GATAD2B: variants seen among roughly 807,000 people sequenced by gnomAD.
GATAD2B encodes the protein GATA zinc finger domain containing 2B.
In GATAD2B, 8 loss-of-function variants were observed where a neutral mutation model predicts 64.3. The observed-to-expected ratio is 0.12, with a 90% CI of 0.07 to 0.22. The LOEUF (loss-of-function observed/expected upper bound fraction) is 0.22. Ranked by LOEUF, GATAD2B falls within the 10% of genes least tolerant of loss-of-function variation. The pLI, the probability that GATAD2B is intolerant of heterozygous loss-of-function variation, is 1.00. For synonymous variants in GATAD2B, 281 were observed against 271.3 expected, an observed-to-expected ratio of 1.04 and a Z score of -0.35; for missense variants, 453 against 752.0, an observed-to-expected ratio of 0.60 and a Z score of 4.65.
chr1:153,851,730 C>A (rs1199448469), intron 1 of GATAD2B, among the ~76,000 whole-genome samples: 1 of 152,064 alleles, frequency 6.6e-6, no homozygotes, highest in Non-Finnish European at 1.5e-5. Context: ...AGTAAAGAGG[C>A]CTGCTCAGAT....
At chr1:153,919,938 G>T (rs1223923792) in intron 1 of GATAD2B, among the ~76,000 whole-genome samples, 1 of 152,194 alleles carries the variant, frequency 6.6e-6, no homozygotes, top group Non-Finnish European at 1.5e-5. Flanking sequence ...CAAATCTTAC[G>T]ATTTCTCTAG....
At chr1:153,819,822 G>T in intron 2 of GATAD2B, 87 bp from the exon 3 acceptor site, 2 of 1,207,692 alleles carry the variant, frequency 1.7e-6, no homozygotes, top group Non-Finnish European at 1.2e-6. Flanking sequence ...AGGGGGGCCG[G>T]GTGCGGTGGC....
chr1:153,921,414 C>T (rs754540099), intron 1 of GATAD2B, among the ~76,000 whole-genome samples: 5 of 152,200 alleles, frequency 3.3e-5, no homozygotes, highest in Non-Finnish European at 7.3e-5. Flanking sequence ...ACTACAAAAG[C>T]ATCAGCTCTT....
intron 1 of GATAD2B, among the ~76,000 whole-genome samples, chr1:153,909,352 T>G (rs1016592921): frequency 2.6e-5 from 4 of 151,964 alleles, no homozygotes; most frequent in African/African-American, 9.7e-5. Flanking sequence ...TAGCTGGGAC[T>G]ACAGGCGCCC....
At chr1:153,880,180 C>T (rs1481158926) in intron 1 of GATAD2B, among the ~76,000 whole-genome samples, 1 of 150,496 alleles carries the variant, frequency 6.6e-6, no homozygotes, top group African/African-American at 2.4e-5. Context: ...TAGAAACAGT[C>T]GGCCAAGCGC....
chr1:153,858,599 T>C (rs1323078564), intron 1 of GATAD2B, among the ~76,000 whole-genome samples: 3 of 152,042 alleles, frequency 2.0e-5, no homozygotes, highest in East Asian at 1.9e-4. Context: ...AGCGAGACCA[T>C]GTCTCATAAA....
intron 7 of GATAD2B, among the ~76,000 whole-genome samples, chr1:153,815,280 C>CAAAACAAA (rs1674428829): frequency 1.2e-3 from 81 of 66,564 alleles, no homozygotes; most frequent in Non-Finnish European, 1.6e-3. Context: ...CTCAAAAAAA[C>CAAAACAAA]AAAAAAAAAA....
chr1:153,853,047 G>A, intron 1 of GATAD2B: 1 of 1,492,772 alleles, frequency 6.7e-7, no homozygotes, highest in Non-Finnish European at 9.3e-7. Flanking sequence ...CCCAGTCACA[G>A]TAGTCGTCAC....
chr1:153,875,182 T>C lies in GATAD2B; in HGVS notation c.-1-46834A>G, dbSNP rs548001896. ...TGTAAGCCACCACGCCCAGCCAAATTTAGTCTCATTATTTCTCTTCTGATT... is the reference window on the plus strand; with the variant it reads ...TGTAAGCCACCACGCCCAGCCAAATCTAGTCTCATTATTTCTCTTCTGATT... On this transcript the variant is annotated intron_variant, in intron 1 of 10. Coordinates refer to ENST00000368655, the MANE Select transcript of GATAD2B (RefSeq NM_020699.4). Among the ~76,000 whole-genome samples, 10 of 152,198 alleles carry C rather than the reference T, an allele frequency of 6.6e-5. No homozygotes were observed. In the South Asian group the frequency reaches 2.1e-3, roughly 32 times the overall value.
chr1:153,812,436 C>A (rs1391518146), intron 8 of GATAD2B, among the ~76,000 whole-genome samples: 1 of 152,058 alleles, frequency 6.6e-6, no homozygotes, highest in Non-Finnish European at 1.5e-5. Context: ...GGGTGGTACA[C>A]TGAGATTTCT....
chr1:153,908,169 T>C (rs890598265), intron 1 of GATAD2B, among the ~76,000 whole-genome samples: 5 of 152,136 alleles, frequency 3.3e-5, no homozygotes, highest in Non-Finnish European at 7.3e-5. Flanking sequence ...CACACATCTA[T>C]GTGCCAGGTT....
At chr1:153,860,878 C>G (rs1676256957) in intron 1 of GATAD2B, among the ~76,000 whole-genome samples, 1 of 152,162 alleles carries the variant, frequency 6.6e-6, no homozygotes, top group African/African-American at 2.4e-5. Flanking sequence ...TCTTGAACTC[C>G]TGACCTTAAG....
At chr1:153,815,288 A>C (rs866459375) in intron 7 of GATAD2B, among the ~76,000 whole-genome samples, 2 of 146,364 alleles carry the variant, frequency 1.4e-5, no homozygotes, top group South Asian at 2.2e-4. Flanking sequence ...AACAAAAAAA[A>C]AAAACAAAAA....
intron 1 of GATAD2B, among the ~76,000 whole-genome samples, chr1:153,911,514 C>G (rs529870668): frequency 1.3e-5 from 2 of 152,128 alleles, no homozygotes; most frequent in East Asian, 3.8e-4. Flanking sequence ...GCGGGTGGAT[C>G]GCCTGAGGTC....
At chr1:153,882,899 G>T (rs1295377949) in intron 1 of GATAD2B, among the ~76,000 whole-genome samples, 2 of 152,162 alleles carry the variant, frequency 1.3e-5, no homozygotes, top group Non-Finnish European at 2.9e-5. Flanking sequence ...AGAAAATAGT[G>T]GGGAAGAAAT....
At chr1:153,850,985 T>C (rs1409528445) in intron 1 of GATAD2B, among the ~76,000 whole-genome samples, 1 of 152,098 alleles carries the variant, frequency 6.6e-6, no homozygotes, top group African/African-American at 2.4e-5. Flanking sequence ...TCTACCCTCT[T>C]AACAAATTTT....
chr1:153,854,436 C>G (rs1305460114), intron 1 of GATAD2B, among the ~76,000 whole-genome samples: 2 of 151,958 alleles, frequency 1.3e-5, no homozygotes, highest in Non-Finnish European at 2.9e-5. Flanking sequence ...AAAAACCAAG[C>G]CTTTCAGTAA....
rs1318698755 is a variant in GATAD2B at position 153,816,108 on chromosome 1, T to A, written c.1216+165A>T. Among the ~76,000 whole-genome samples, 4 of 122,278 alleles carry A rather than the reference T, an allele frequency of 3.3e-5. No individual in the cohort carries two copies. The highest frequency in any genetic ancestry group is 1.8e-5 in the Non-Finnish European group (1 of 55,726). The allele number at this position is 122,278 out of a possible 152,430, so 80.2% of individuals were successfully genotyped here. ...CACACACACACACACACACTCCGCT[T>A]CTAACATGTTGCTCCCAAACAGCTG... On this transcript the variant is annotated intron_variant, in intron 7 of 10. Coordinates refer to ENST00000368655, the MANE Select transcript of GATAD2B (RefSeq NM_020699.4). The surrounding 1 kb of genome is among the most constrained non-coding windows in gnomAD (Gnocchi z 4.9).
At chr1:153,884,833 T>C (rs1677129854) in intron 1 of GATAD2B, among the ~76,000 whole-genome samples, 2 of 152,134 alleles carry the variant, frequency 1.3e-5, no homozygotes, top group African/African-American at 4.8e-5. Context: ...CTCAGCTCAC[T>C]GCAACCTCTG....
Sources: allele counts gnomAD v4.1 joint callset (sites outside exome capture counted in the v4.1 genomes callset), GRCh38; gene constraint gnomAD v4.1.1; non-coding constraint Gnocchi (gnomAD v3.1); transcripts MANE v1.5; gene names NCBI Gene and HGNC (gene_info 2026-07-23, HGNC 2026-07-21).